The following GPC5 variants were observed in gnomAD, a reference collection of about 807,000 sequenced individuals.
The protein encoded by GPC5 is glypican-5.
A neutral mutation model predicts 53.9 loss-of-function variants in GPC5; 47 were observed. The observed-to-expected ratio is 0.87, with a 90% confidence interval of 0.69 to 1.11. The LOEUF is 1.11. GPC5 is among the 50% of genes most tolerant of loss of function. The pLI is 0.00. For missense variants in GPC5, 748 were observed against 713.1 expected, an observed-to-expected ratio of 1.05 and a Z score of -0.56; for synonymous variants, 286 against 263.3, an observed-to-expected ratio of 1.09 and a Z score of -0.84.
intron 5 of GPC5, among the ~76,000 whole-genome samples, chr13:91,829,571 G>T (rs1472071812): frequency 6.6e-6 from 1 of 152,048 alleles, no homozygotes; most frequent in African/African-American, 2.4e-5. Flanking sequence ...AGTAAATAGA[G>T]CAAAATGTAA....
At chr13:92,193,665 C>T (rs762195572) in intron 7 of GPC5, among the ~76,000 whole-genome samples, 12 of 152,216 alleles carry the variant, frequency 7.9e-5, no homozygotes, top group Non-Finnish European at 1.5e-4. Context: ...TTCACTCCTA[C>T]TGGTGTGCTA....
At chr13:92,394,536 CA>C (rs1875172592) in intron 7 of GPC5, among the ~76,000 whole-genome samples, 1 of 152,148 alleles carries the variant, frequency 6.6e-6, no homozygotes, top group African/African-American at 2.4e-5. Flanking sequence ...AGAGCCCAGC[CA>C]AGCTGGAACC....
intron 5 of GPC5, among the ~76,000 whole-genome samples, chr13:91,786,242 G>A (rs1246745991): frequency 1.3e-5 from 2 of 152,132 alleles, no homozygotes; most frequent in Middle Eastern, 3.2e-3. Context: ...CGATCCGCCT[G>A]CGTCAGCCTC....
intron 7 of GPC5, among the ~76,000 whole-genome samples, chr13:92,508,249 A>G (rs1880444466): frequency 6.6e-6 from 1 of 152,206 alleles, no homozygotes; most frequent in East Asian, 1.9e-4. Context: ...GGCGTGAGCC[A>G]CTGTGCATGG....
At chr13:92,788,798 G>T (rs1036558113) in intron 7 of GPC5, among the ~76,000 whole-genome samples, 1 of 152,106 alleles carries the variant, frequency 6.6e-6, no homozygotes, top group Admixed American at 6.6e-5. Context: ...CTTTGATGCT[G>T]GTCTCATATT....
Position 92,385,524 on chromosome 13 carries a change from G to GCATATATA in GPC5, c.1561+240543_1561+240550dup, listed in dbSNP as rs1301469603. ...TACATATACATATATACATACATAT[G>GCATATATA]CATATATACATATATGCATATATAC... On this transcript the variant is annotated intron_variant, in intron 7 of 7. Transcript: ENST00000377067. 1.7e-3 allele frequency among the ~76,000 whole-genome samples: 59 copies of GCATATATA among 34,258 alleles called. 3 individuals are homozygous for GCATATATA. The highest frequency in any genetic ancestry group is 7.0e-3 in the African/African-American group (52 of 7,426). 22.5% of individuals were successfully genotyped at this position (34,258 alleles called of 152,430 possible).
intron 2 of GPC5, among the ~76,000 whole-genome samples, chr13:91,632,266 C>T (rs2034176548): frequency 6.6e-6 from 1 of 152,010 alleles, no homozygotes; most frequent in Non-Finnish European, 1.5e-5. Context: ...GACACATTTA[C>T]CGTGAGTCAT....
chr13:92,683,742 A>ATT (rs1887172586), intron 7 of GPC5, among the ~76,000 whole-genome samples: 1 of 152,156 alleles, frequency 6.6e-6, no homozygotes, highest in Non-Finnish European at 1.5e-5. Flanking sequence ...ACATATATAT[A>ATT]TTACTTTTTG....
At chr13:92,012,997 G>T (rs2040675526) in intron 6 of GPC5, among the ~76,000 whole-genome samples, 2 of 152,182 alleles carry the variant, frequency 1.3e-5, no homozygotes, top group East Asian at 1.9e-4. Context: ...GGTTGTGGGG[G>T]CCTGTGACCC....
At chr13:92,115,052 T>C (rs951938048) in intron 6 of GPC5, among the ~76,000 whole-genome samples, 18 of 152,362 alleles carry the variant, frequency 1.2e-4, no homozygotes, top group African/African-American at 3.8e-4. Context: ...AGTACTGATG[T>C]TATTTTTAGA....
intron 2 of GPC5, among the ~76,000 whole-genome samples, chr13:91,601,163 T>A (rs533051417): frequency 1.3e-5 from 2 of 152,340 alleles, no homozygotes; most frequent in African/African-American, 4.8e-5. Flanking sequence ...GTTTGACAGT[T>A]ATTTTTTAAA....
intron 2 of GPC5, among the ~76,000 whole-genome samples, chr13:91,665,571 C>T (rs1238066857): frequency 6.6e-6 from 1 of 151,330 alleles, no homozygotes; most frequent in African/African-American, 2.5e-5. Flanking sequence ...GGCGCCATCT[C>T]GGCTCACTGC....
rs555280954 is a variant in GPC5 at position 92,034,349 on chromosome 13, T to A, written c.1402-110481T>A. ...CATCTCTACTAAAAATACAAAAAAA[T>A]TAGCTCAGCATGGTGGTGGATGCCT... On this transcript the variant is annotated intron_variant, in intron 6 of 7. Transcript: ENST00000377067. Among the ~76,000 whole-genome samples the A allele has an allele frequency of 1.3e-4, 20 of 151,836 alleles. No homozygotes were observed. The East Asian group carries it at 3.9e-3, about 30-fold the overall frequency.
intron 5 of GPC5, among the ~76,000 whole-genome samples, chr13:91,789,782 AT>A (rs1294671355): frequency 6.6e-6 from 1 of 152,138 alleles, no homozygotes; most frequent in Admixed American, 6.5e-5. Flanking sequence ...ACTATCCTAT[AT>A]TGAGATAGGA....
intron 5 of GPC5, among the ~76,000 whole-genome samples, chr13:91,875,104 G>A (rs1317649291): frequency 6.6e-6 from 1 of 152,112 alleles, no homozygotes; most frequent in Admixed American, 6.6e-5. Context: ...TTGTTTTAAA[G>A]GAAATAGGAA....
In GPC5 at chr13:91,975,358, T is replaced by C. The variant is rs886715104; in HGVS notation, c.1401+67301T>C. On this transcript the variant is annotated intron_variant, in intron 6 of 7. Transcript: ENST00000377067. The stretch of plus-strand genomic sequence containing the variant: ...AACCTACAAAATGGGAGAAAATTTT[T>C]GCAACCTACTCATCTGACAAAGGGC... Among the ~76,000 whole-genome samples the C allele has an allele frequency of 9.4e-3, 1,427 of 152,132 alleles. 15 individuals carry two copies. Among genetic ancestry groups the C allele is most frequent in the African/African-American group, 0.018 (760 of 41,486 alleles).
intron 7 of GPC5, chr13:92,449,100 A>G (rs1877952753): frequency 6.6e-6 from 1 of 151,878 alleles, no homozygotes; most frequent in Non-Finnish European, 1.5e-5. Flanking sequence ...CTTTTCTACT[A>G]GGAAATCCTC....
intron 5 of GPC5, among the ~76,000 whole-genome samples, chr13:91,813,807 A>T (rs1001713387): frequency 6.6e-6 from 1 of 152,128 alleles, no homozygotes; most frequent in African/African-American, 2.4e-5. Flanking sequence ...GCATTTTTTA[A>T]AGGCTTAGCT....
chr13:91,580,216 A>G (rs2032308077), intron 2 of GPC5, among the ~76,000 whole-genome samples: 1 of 151,474 alleles, frequency 6.6e-6, no homozygotes, highest in South Asian at 2.1e-4. Context: ...ATGCCTGGCT[A>G]TTTCTTTGTA....
Sources: gnomAD v4.1 joint callset for allele counts (sites outside exome capture counted in the v4.1 genomes callset) on GRCh38, gnomAD v4.1.1 for gene constraint, MANE v1.5 for transcripts, NCBI Gene and HGNC (gene_info 2026-07-23, HGNC 2026-07-21) for gene names.